Variants in NUBP1 observed in about 807,000 individuals in gnomAD.
The protein encoded by NUBP1 is NUBP iron-sulfur cluster assembly factor 1, cytosolic.
In NUBP1, 46 loss-of-function variants were observed where a neutral mutation model predicts 41.8. The observed-to-expected ratio is 1.10, with a 90% CI of 0.87 to 1.41. NUBP1 has a LOEUF of 1.41. NUBP1 is among the 40% of genes most tolerant of loss of function. NUBP1 has a pLI of 0.00. For synonymous variants in NUBP1, 189 were observed against 154.6 expected, an observed-to-expected ratio of 1.22 and a Z score of -1.65; for missense variants, 494 against 414.0, an observed-to-expected ratio of 1.19 and a Z score of -1.68.
At chr16:10,764,096 C>G (rs1039148429) in intron 9 of NUBP1, among the ~76,000 whole-genome samples, 1 of 152,100 alleles carries the variant, frequency 6.6e-6, no homozygotes, top group African/African-American at 2.4e-5. Context: ...AAGGGAGTAT[C>G]TCAGCCCACA....
Position 10,765,266 on chromosome 16 carries a change from C to CAA in NUBP1, c.821-2682_821-2681insAA, listed in dbSNP as rs1459846586. The CAA allele has an allele frequency of 6.8e-6, 1 of 146,042 alleles. No homozygotes were observed. Among genetic ancestry groups the CAA allele is most frequent in the Non-Finnish European group, 1.5e-5 (1 of 67,184 alleles). 9.0% of individuals were successfully genotyped at this position (146,042 alleles called of 1,614,324 possible). A position where few individuals can be genotyped will look rare whatever the true frequency, so the allele number is the denominator to read the frequency against. ...ATAGCAACTAACTCCATTAAATACACACACACACACACACACAACCATGCT... is the reference window on the plus strand; with the variant it reads ...ATAGCAACTAACTCCATTAAATACACAAACACACACACACACACAACCATGCT... On this transcript the variant is annotated intron_variant, in intron 9 of 10. Coordinates refer to ENST00000283027, the MANE Select transcript of NUBP1 (RefSeq NM_002484.4). The surrounding 1 kb of genome is among the most constrained non-coding windows in gnomAD (Gnocchi z 4.0).
chr16:10,767,877 G>C lies in NUBP1; in HGVS notation c.821-72G>C, dbSNP rs2031132773. The C allele has an allele frequency of 7.2e-7, 1 of 1,379,364 alleles. No homozygotes were observed. Among genetic ancestry groups the C allele is most frequent in the African/African-American group, 1.4e-5 (1 of 70,300 alleles). 85.4% of individuals were successfully genotyped at this position (1,379,364 alleles called of 1,614,324 possible). ...CTTCCCATTGTCACCAGCACGGAAA[G>C]AGCCCCAAGATCTTGTGGCCATTCT... On this transcript the variant is annotated intron_variant, in intron 9 of 10. Coordinates refer to ENST00000283027, the MANE Select transcript of NUBP1 (RefSeq NM_002484.4). The surrounding 1 kb of genome is among the most constrained non-coding windows in gnomAD (Gnocchi z 4.6).
intron 2 of NUBP1, among the ~76,000 whole-genome samples, chr16:10,746,891 T>C (rs1900086233): frequency 6.6e-6 from 1 of 152,218 alleles, no homozygotes; most frequent in Non-Finnish European, 1.5e-5. Context: ...CCTACCTTTG[T>C]GGAGACTATG....
In NUBP1 at chr16:10,747,142, G is replaced by C; in HGVS notation, c.125-1G>C. ...CCCCTGAACTTTGGTTTTCTTTGCAGCTATAGAGGAAATCAAAGAGAAAAT... is the reference window on the plus strand; with the variant it reads ...CCCCTGAACTTTGGTTTTCTTTGCACCTATAGAGGAAATCAAAGAGAAAAT... On this transcript the variant is annotated splice_acceptor_variant, in intron 2 of 10. Coordinates refer to ENST00000283027, the MANE Select transcript of NUBP1 (RefSeq NM_002484.4). LOFTEE classifies it high-confidence loss of function. The C allele has an allele frequency of 6.2e-7, 1 of 1,613,976 alleles. No individual in the cohort carries two copies.
At chr16:10,762,123 G>A in intron 9 of NUBP1, 1 of 346,548 alleles carries the variant, frequency 2.9e-6, no homozygotes, top group Non-Finnish European at 5.4e-6. Context: ...GGTGAGGGTG[G>A]TGGTGGCAGG....
At chr16:10,761,568 C>G in intron 8 of NUBP1, 94 bp downstream of exon 8, 2 of 1,174,964 alleles carry the variant, frequency 1.7e-6, no homozygotes, top group Non-Finnish European at 2.5e-6. Flanking sequence ...TTCTGCTTTC[C>G]CTGTCATTTT....
At chr16:10,744,186 A>T (rs1455589513) in intron 2 of NUBP1, 121 bp downstream of exon 2, 10 of 940,986 alleles carry the variant, frequency 1.1e-5, no homozygotes, top group East Asian at 3.2e-5. Context: ...AAGGTATTGT[A>T]TTCGGAGAGG....
chr16:10,767,887 A>C lies in NUBP1; in HGVS notation c.821-62A>C. Reference sequence around the variant, plus strand: ...TCACCAGCACGGAAAGAGCCCCAAGATCTTGTGGCCATTCTGTTTTCCTCT... The same window carrying C: ...TCACCAGCACGGAAAGAGCCCCAAGCTCTTGTGGCCATTCTGTTTTCCTCT... On this transcript the variant is annotated intron_variant, in intron 9 of 10. Transcript: ENST00000283027. The surrounding 1 kb of genome is among the most constrained non-coding windows in gnomAD (Gnocchi z 4.6). The C allele has an allele frequency of 6.8e-7, 1 of 1,469,392 alleles. No individual in the cohort carries two copies. The highest frequency in any genetic ancestry group is 9.5e-7 in the Non-Finnish European group (1 of 1,048,744). 91.0% of individuals were successfully genotyped at this position (1,469,392 alleles called of 1,614,324 possible). A position where few individuals can be genotyped will look rare whatever the true frequency, so the allele number is the denominator to read the frequency against.
chr16:10,752,398 G>A (rs1274414353), intron 3 of NUBP1, among the ~76,000 whole-genome samples: 2 of 152,206 alleles, frequency 1.3e-5, no homozygotes, highest in Admixed American at 6.5e-5. Context: ...GCTCAGCCAG[G>A]CTGAGGGGTA....
chr16:10,753,185 G>C (rs544351814), intron 4 of NUBP1, among the ~76,000 whole-genome samples: 1 of 152,284 alleles, frequency 6.6e-6, no homozygotes, highest in African/African-American at 2.4e-5. Context: ...GGCGGGGGAG[G>C]GGCGGGATTG....
rs368475576 is a variant in NUBP1 at position 10,755,782 on chromosome 16, C to G, written c.360+29C>G. ...AGTTTTCACCTCTTTGCCCTATTTT[C>G]ACAGTAGTGTGTGGTTGTGTGTACA... On this transcript the variant is annotated intron_variant, in intron 5 of 10. Coordinates refer to ENST00000283027, the MANE Select transcript of NUBP1 (RefSeq NM_002484.4). 9 of 1,610,240 alleles carry G rather than the reference C, an allele frequency of 5.6e-6. No homozygotes were observed. In the South Asian group the frequency reaches 8.8e-5, roughly 16 times the overall value.
chr16:10,746,908 T>C (rs575437460), intron 2 of NUBP1, among the ~76,000 whole-genome samples: 5 of 152,308 alleles, frequency 3.3e-5, no homozygotes, highest in Non-Finnish European at 7.4e-5. Flanking sequence ...TATGTTCTAG[T>C]TGGGGGAGAC....
intron 9 of NUBP1, among the ~76,000 whole-genome samples, chr16:10,763,326 G>C (rs1046794192): frequency 6.6e-5 from 10 of 152,072 alleles, no homozygotes; most frequent in Admixed American, 6.5e-5. Flanking sequence ...ACAGTGTTGG[G>C]GGATGGCTGC....
chr16:10,753,129 T>C (rs1403471543), intron 4 of NUBP1, among the ~76,000 whole-genome samples: 1 of 151,484 alleles, frequency 6.6e-6, no homozygotes, highest in African/African-American at 2.4e-5. Context: ...AGCTCATACA[T>C]GCTCAGTAGT....
chr16:10,751,895 C>T lies in NUBP1; in HGVS notation c.259-715C>T, dbSNP rs556495306. On this transcript the variant is annotated intron_variant, in intron 3 of 10. Transcript: ENST00000283027. ...TACTGGAAAGAGCCCCAGTTGGGGC[C>T]GAAAGACCTCAGTTTATGTCCCAGC... is the stretch of plus-strand genomic sequence containing the variant. 7.9e-5 allele frequency among the ~76,000 whole-genome samples: 12 copies of T among 152,264 alleles called. No homozygotes were observed. The South Asian group carries it at 1.2e-3, about 16-fold the overall frequency.
rs1900802717 is a variant in NUBP1, at chr16:10,759,640, G to T, written c.606+1613G>T. 6.6e-6 allele frequency among the ~76,000 whole-genome samples: 1 copy of T among 152,164 alleles called. No individual in the cohort carries two copies. Among genetic ancestry groups the T allele is most frequent in the Admixed American group, 6.5e-5 (1 of 15,278 alleles). On this transcript the variant is annotated intron_variant, in intron 7 of 10. Transcript: ENST00000283027. This position sits in a 1 kb window ranked among gnomAD's most constrained non-coding sequence, Gnocchi z 4.7. ...AAAATACAAAAATTAGCCAGGCGTG[G>T]TGGTGGGCACCTGTAATCCCAGCTA...
rs968800749 is a variant in NUBP1 at position 10,743,860 on chromosome 16, C to G, written c.-4C>G. 8.3e-6 allele frequency: 13 copies of G among 1,563,236 alleles called. No homozygotes were observed. The highest frequency in any genetic ancestry group is 4.1e-5 in the African/African-American group (3 of 73,550). On this transcript the variant is annotated 5_prime_UTR_variant, in exon 1 of 11. Coordinates refer to ENST00000283027, the MANE Select transcript of NUBP1 (RefSeq NM_002484.4). ...GTGACCACGAAGGCGGCAAAGGCGACGGAATGGAGGAGGTGCCTCACGGTA... is the reference window on the plus strand; with the variant it reads ...GTGACCACGAAGGCGGCAAAGGCGAGGGAATGGAGGAGGTGCCTCACGGTA...
intron 9 of NUBP1, among the ~76,000 whole-genome samples, chr16:10,764,603 G>A (rs1804912901): frequency 6.6e-6 from 1 of 150,812 alleles, no homozygotes; most frequent in African/African-American, 2.5e-5. Context: ...GAGCATCTCA[G>A]TCTGCTGGAG....
At position 10,768,099 on chromosome 16, in the gene NUBP1, G is replaced by A. The variant is rs1027451632; in HGVS notation, c.904+67G>A. On this transcript the variant is annotated intron_variant, in intron 10 of 10. Coordinates refer to ENST00000283027, the MANE Select transcript of NUBP1 (RefSeq NM_002484.4). The surrounding 1 kb of genome is among the most constrained non-coding windows in gnomAD (Gnocchi z 4.3). Reference sequence around the variant, plus strand: ...CAGGAAGCAACATAAAGGAGCCAGGGGTGTGGAAGGACAGGTGGGTGGTGG... The same window carrying A: ...CAGGAAGCAACATAAAGGAGCCAGGAGTGTGGAAGGACAGGTGGGTGGTGG... 2 of 1,479,146 alleles carry A rather than the reference G, an allele frequency of 1.4e-6. No individual in the cohort carries two copies. The highest frequency in any genetic ancestry group is 2.8e-5 in the African/African-American group (2 of 72,118). 91.6% of individuals were successfully genotyped at this position (1,479,146 alleles called of 1,614,324 possible).
Sources: allele counts gnomAD v4.1 joint callset (sites outside exome capture counted in the v4.1 genomes callset), GRCh38; gene constraint gnomAD v4.1.1; non-coding constraint Gnocchi (gnomAD v3.1); transcripts MANE v1.5; gene names NCBI Gene and HGNC (gene_info 2026-07-23, HGNC 2026-07-21).